The following GRK1 variants were observed in gnomAD, a reference collection of about 807,000 sequenced individuals.
The protein encoded by GRK1 is rhodopsin kinase GRK1.
A neutral mutation model predicts 41.7 loss-of-function variants in GRK1; 28 were observed. The ratio of observed to expected loss-of-function variants is 0.67; its 90% CI spans 0.50 to 0.92. GRK1 has a LOEUF of 0.92. Ranked by LOEUF, GRK1 falls within the 40% of genes least tolerant of loss-of-function variation. The probability of loss-of-function intolerance (pLI) is 0.00; values close to 1 mark genes in which losing one functional copy is unlikely to be tolerated. For missense variants in GRK1, 703 were observed against 671.2 expected, an observed-to-expected ratio of 1.05 and a Z score of -0.52; for synonymous variants, 327 against 286.7, an observed-to-expected ratio of 1.14 and a Z score of -1.42.
intron 6 of GRK1, among the ~76,000 whole-genome samples, chr13:113,733,577 G>A (rs1339595180): frequency 6.6e-6 from 1 of 151,740 alleles, no homozygotes; most frequent in African/African-American, 2.4e-5. Flanking sequence ...ATGTGTATGT[G>A]TGTGCATACG....
At position 113,735,386 on chromosome 13, in the gene GRK1, G is replaced by A. The variant is rs2049996475; in HGVS notation, c.*23G>A. 1 of 1,469,454 alleles carries A rather than the reference G, an allele frequency of 6.8e-7. No homozygotes were observed. 91.0% of individuals were successfully genotyped at this position (1,469,454 alleles called of 1,614,324 possible). On this transcript the variant is annotated 3_prime_UTR_variant, in exon 7 of 7. Coordinates refer to ENST00000335678, the MANE Select transcript of GRK1 (RefSeq NM_002929.3). ...TAGGTGACGCCCCAGAGTCCACGTG[G>A]AGGAAAAGGACCCATACGGCTCGAT...
chr13:113,723,174 A>T lies in GRK1; in HGVS notation c.1069+17A>T, dbSNP rs1369089525. On this transcript the variant is annotated intron_variant, in intron 4 of 6. Transcript: ENST00000335678. Reference sequence around the variant, plus strand: ...GGACCCCAGGTAAGGGTCTGAGCGCAGCTGGGGAGGCTCCGTGCATGGGTT... The same window carrying T: ...GGACCCCAGGTAAGGGTCTGAGCGCTGCTGGGGAGGCTCCGTGCATGGGTT... 2.9e-6 allele frequency: 2 copies of T among 697,082 alleles called. No homozygotes were observed. Among genetic ancestry groups the T allele is most frequent in the East Asian group, 5.4e-5 (2 of 36,898 alleles). The allele number at this position is 697,082 out of a possible 1,614,324, so 43.2% of individuals were successfully genotyped here.
chr13:113,666,784 C>T (rs1182922692), upstream of GRK1, among the ~76,000 whole-genome samples: 7 of 152,184 alleles, frequency 4.6e-5, no homozygotes, highest in Non-Finnish European at 8.8e-5. Flanking sequence ...GGCTTCTTTT[C>T]CTCTCTAAAT....
chr13:113,668,923 G>A (rs1462073458), intron 1 of GRK1, among the ~76,000 whole-genome samples: 2 of 152,250 alleles, frequency 1.3e-5, no homozygotes, highest in African/African-American at 2.4e-5. Context: ...TGCTCACAGC[G>A]CTGGGCGGAG....
intron 4 of GRK1, among the ~76,000 whole-genome samples, chr13:113,724,877 C>T (rs1026178226): frequency 4.6e-5 from 7 of 152,248 alleles, no homozygotes; most frequent in Non-Finnish European, 8.8e-5. Context: ...GAAGCCCCCT[C>T]ACGCATTTCG....
In GRK1 at chr13:113,736,766, G is replaced by C. The variant is rs1321708299; in HGVS notation, c.*1403G>C. The stretch of plus-strand genomic sequence containing the variant: ...GCCTGACCCTGCCACATGTGGTCAC[G>C]GGGAGAGAAGATGGTAGGACGTCCC... On this transcript the variant is annotated 3_prime_UTR_variant, in exon 7 of 7. Coordinates refer to ENST00000335678, the MANE Select transcript of GRK1 (RefSeq NM_002929.3). 6.6e-6 allele frequency: 1 copy of C among 152,282 alleles called. No homozygotes were observed. Among genetic ancestry groups the C allele is most frequent in the Non-Finnish European group, 1.5e-5 (1 of 68,078 alleles). The allele number at this position is 152,282 out of a possible 1,614,324, so 9.4% of individuals were successfully genotyped here. A position where few individuals can be genotyped will look rare whatever the true frequency, so the allele number is the denominator to read the frequency against.
intron 4 of GRK1, among the ~76,000 whole-genome samples, chr13:113,725,120 T>G (rs2049882754): frequency 6.6e-6 from 1 of 152,166 alleles, no homozygotes; most frequent in South Asian, 2.1e-4. Context: ...GGGAGGCCGG[T>G]GTCAGTTCAG....
At position 113,667,956 on chromosome 13, in the gene GRK1, C is replaced by T. The variant is rs780908962; in HGVS notation, c.570C>T (p.Phe190=). The T allele has an allele frequency of 3.1e-6, 5 of 1,610,214 alleles. No homozygotes were observed. In the South Asian group the frequency reaches 3.3e-5, roughly 11 times the overall value. Reference sequence around the variant, plus strand: ...CCCAGCCCATGGGGGAGGACTGGTTCCTGGACTTCAGGGTCCTAGGGAAAG... The same window carrying T: ...CCCAGCCCATGGGGGAGGACTGGTTTCTGGACTTCAGGGTCCTAGGGAAAG... ...LEAQPMGEDW[F]LDFRVLGKGG... Residue 190 remains phenylalanine (F), a synonymous_variant, in exon 1 of 7, where the codon TTC becomes TTT. Coordinates refer to ENST00000335678, the MANE Select transcript of GRK1 (RefSeq NM_002929.3). This position sits in a 1 kb window ranked among gnomAD's most constrained non-coding sequence, Gnocchi z 7.5.
intron 6 of GRK1, among the ~76,000 whole-genome samples, chr13:113,733,890 C>CGTGTGTGCGT (rs2049973062): frequency 2.8e-5 from 2 of 70,542 alleles, no homozygotes; most frequent in African/African-American, 1.1e-4. Flanking sequence ...TACGTGTGTG[C>CGTGTGTGCGT]GTGTGTGTAT....
intron 4 of GRK1, among the ~76,000 whole-genome samples, chr13:113,729,826 C>A (rs1329786288): frequency 6.6e-6 from 1 of 151,240 alleles, no homozygotes; most frequent in Non-Finnish European, 1.5e-5. Context: ...ACGGCTGAGC[C>A]CAGACCCGTC....
chr13:113,668,256 C>A (rs142314161), intron 1 of GRK1, among the ~76,000 whole-genome samples, 171 bp downstream of exon 1: 1 of 152,344 alleles, frequency 6.6e-6, no homozygotes, highest in Admixed American at 6.5e-5. Flanking sequence ...CGTGCGGTTA[C>A]GAGCAGTTCC....
chr13:113,654,520 G>A, the GRK1 span, among the ~76,000 whole-genome samples: 1 of 152,242 alleles, frequency 6.6e-6, no homozygotes, highest in Non-Finnish European at 1.5e-5. Flanking sequence ...AAACCCTTCT[G>A]TTTCATAATT....
rs950981104 is a variant in GRK1 at position 113,672,351 on chromosome 13, T to G, written c.985+695T>G. On this transcript the variant is annotated intron_variant, in intron 3 of 6. Transcript: ENST00000335678. ...ATGTGTATGTGTGGTGTGTGGTACC[T>G]GTATGGTGTGGTATCTGGTGTGGTA... Among the ~76,000 whole-genome samples the G allele has an allele frequency of 3.3e-5, 5 of 151,772 alleles. No individual in the cohort carries two copies. In the East Asian group the frequency reaches 7.8e-4, roughly 24 times the overall value.
chr13:113,733,580 T>TGCAAACGTGTGTGTGCACGTGTGC (rs2049956286), intron 6 of GRK1, among the ~76,000 whole-genome samples: 1 of 151,628 alleles, frequency 6.6e-6, no homozygotes, highest in African/African-American at 2.4e-5. Flanking sequence ...TGTATGTGTG[T>TGCAAACGTGTGTGTGCACGTGTGC]GCATACGTGT....
At chr13:113,727,364 T>TAGGGTGTGGA (rs1002840258) in intron 4 of GRK1, among the ~76,000 whole-genome samples, 3 of 152,072 alleles carry the variant, frequency 2.0e-5, no homozygotes, top group African/African-American at 7.2e-5. Flanking sequence ...CTGTGGGCTG[T>TAGGGTGTGGA]AGGGTGTGGA....
At chr13:113,728,890 G>A (rs1193830114) in intron 4 of GRK1, among the ~76,000 whole-genome samples, 1 of 152,184 alleles carries the variant, frequency 6.6e-6, no homozygotes, top group African/African-American at 2.4e-5. Context: ...AGGTGGACAA[G>A]GCCCGGCAGG....
At chr13:113,723,859 T>G (rs2049872981) in intron 4 of GRK1, among the ~76,000 whole-genome samples, 1 of 151,976 alleles carries the variant, frequency 6.6e-6, no homozygotes. Flanking sequence ...TGTGCCTGTG[T>G]GTGCATGCCC....
chr13:113,723,925 C>T (rs149079766), intron 4 of GRK1, among the ~76,000 whole-genome samples: 127 of 151,456 alleles, frequency 8.4e-4, no homozygotes, highest in African/African-American at 3.0e-3. Flanking sequence ...CATCTTTGTG[C>T]ACACATGTGT....
In GRK1 at chr13:113,733,669, GCAC is replaced by G. The variant is rs1334485693; in HGVS notation, c.1396+585_1396+587del. On this transcript the variant is annotated intron_variant, in intron 6 of 6. Transcript: ENST00000335678. ...TGTGCATACGTGTGTGTGCGTGTGTGCACGTGTGTGCATGTATGTGTGCATACA... is the reference window on the plus strand; with the variant it reads ...TGTGCATACGTGTGTGTGCGTGTGTGGTGTGTGCATGTATGTGTGCATACA... Among the ~76,000 whole-genome samples the G allele has an allele frequency of 5.1e-3, 467 of 92,084 alleles. 2 individuals carry two copies. The highest frequency in any genetic ancestry group is 6.7e-3 in the Non-Finnish European group (307 of 45,774). The allele number at this position is 92,084 out of a possible 152,430, so 60.4% of individuals were successfully genotyped here.
Sources: gnomAD v4.1 joint callset for allele counts (sites outside exome capture counted in the v4.1 genomes callset) on GRCh38, gnomAD v4.1.1 for gene constraint, Gnocchi (gnomAD v3.1) non-coding constraint, MANE v1.5 for transcripts, NCBI Gene and HGNC (gene_info 2026-07-23, HGNC 2026-07-21) for gene names.